Variants in IQCK observed in about 807,000 individuals in gnomAD.
The protein encoded by IQCK is IQ motif containing K.
Under a neutral mutation model 28.1 loss-of-function variants are expected in IQCK, and 29 were observed. The observed-to-expected ratio is 1.03, with a 90% CI of 0.77 to 1.41. The LOEUF (loss-of-function observed/expected upper bound fraction) is 1.41, where lower values mean the gene tolerates loss of function less well. Ranked by LOEUF, IQCK falls within the 40% of genes most tolerant of loss-of-function variation. The probability of loss-of-function intolerance (pLI) is 0.00; values close to 1 mark genes in which losing one functional copy is unlikely to be tolerated. For synonymous variants in IQCK, 113 were observed against 115.1 expected (o/e 0.98, Z 0.12); for missense variants, 359 against 314.7 (o/e 1.14, Z -1.07).
chr16:19,848,511 A>G (rs73536599), intron 9 of IQCK, among the ~76,000 whole-genome samples: 1,952 of 152,354 alleles, frequency 0.013, 30 homozygotes, highest in African/African-American at 0.045. Flanking sequence ...GAATTTTAAA[A>G]GATGCTAAAT....
chr16:19,728,670 C>T (rs914817281), intron 1 of IQCK, among the ~76,000 whole-genome samples: 2 of 152,202 alleles, frequency 1.3e-5, no homozygotes, highest in Non-Finnish European at 2.9e-5. Flanking sequence ...CCTGATAAAA[C>T]CCTGATCCAT....
At chr16:19,782,868 A>T (rs894660475) in intron 6 of IQCK, among the ~76,000 whole-genome samples, 2 of 152,222 alleles carry the variant, frequency 1.3e-5, no homozygotes, top group African/African-American at 4.8e-5. Context: ...TTCACTTTGC[A>T]TCTAAAAAAG....
At chr16:19,775,497 A>C (rs1229891398) in intron 6 of IQCK, among the ~76,000 whole-genome samples, 1 of 152,200 alleles carries the variant, frequency 6.6e-6, no homozygotes, top group Admixed American at 6.6e-5. Context: ...ATATTACCTA[A>C]TTTAACTTAC....
chr16:19,773,640 T>C (rs2055347088), intron 6 of IQCK, among the ~76,000 whole-genome samples: 2 of 152,188 alleles, frequency 1.3e-5, no homozygotes, highest in Non-Finnish European at 2.9e-5. Context: ...AGATGTACCA[T>C]ATATGAATGA....
chr16:19,729,255 C>T (rs1350147914), intron 1 of IQCK, among the ~76,000 whole-genome samples: 2 of 152,066 alleles, frequency 1.3e-5, no homozygotes, highest in African/African-American at 2.4e-5. Flanking sequence ...TTACAGGTGC[C>T]CGGCGCCATG....
chr16:19,761,936 T>C (rs947685218), intron 4 of IQCK: 1 of 153,758 alleles, frequency 6.5e-6, no homozygotes, highest in Non-Finnish European at 1.4e-5. Context: ...TATCCCCTGC[T>C]TCACCATCCT....
intron 9 of IQCK, among the ~76,000 whole-genome samples, chr16:19,842,586 T>TCATCCAG (rs1471035382): frequency 1.3e-5 from 2 of 152,216 alleles, no homozygotes; most frequent in African/African-American, 4.8e-5. Flanking sequence ...ATGTGAAATG[T>TCATCCAG]CATCCAGCAA....
rs10617965 is a variant in IQCK at position 19,727,597 on chromosome 16, C to CA, written c.182-2824dup. Among the ~76,000 whole-genome samples, 1,170 of 122,876 alleles carry CA rather than the reference C, an allele frequency of 9.5e-3. 20 individuals carry two copies. The highest frequency in any genetic ancestry group is 0.036 in the African/African-American group (1,127 of 31,324). The allele number at this position is 122,876 out of a possible 152,430, so 80.6% of individuals were successfully genotyped here. On this transcript the variant is annotated intron_variant, in intron 1 of 7. Coordinates refer to ENST00000564186, the Ensembl canonical transcript of IQCK. ...GCGAGACTTTGTCACCCCCCCCCCCCAAAAAAAAAGATTTGGTTGGATCTA... is the reference window on the plus strand; with the variant it reads ...GCGAGACTTTGTCACCCCCCCCCCCCAAAAAAAAAAGATTTGGTTGGATCTA...
rs145769807 is a variant in IQCK, at chr16:19,818,415, G to A, written c.691-8611G>A. The stretch of plus-strand genomic sequence containing the variant: ...ATATATACATTTTTCTTTTTGAGAC[G>A]GAGTTTCGCTCTTGTCATTCAGGCT... On this transcript the variant is annotated intron_variant, in intron 7 of 7. Transcript: ENST00000564186. Among the ~76,000 whole-genome samples the A allele has an allele frequency of 4.6e-5, 7 of 152,016 alleles. No individual in the cohort carries two copies. The East Asian group carries it at 9.7e-4, about 21-fold the overall frequency.
intron 4 of IQCK, among the ~76,000 whole-genome samples, chr16:19,737,880 A>G (rs1234010184): frequency 1.3e-5 from 2 of 151,942 alleles, no homozygotes; most frequent in East Asian, 1.9e-4. Context: ...TTCTCTGCAT[A>G]TTTAACTTCT....
At chr16:19,735,236 C>CT in intron 3 of IQCK, 117 bp from the exon 4 acceptor site, 1 of 715,454 alleles carries the variant, frequency 1.4e-6, no homozygotes, top group Non-Finnish European at 2.5e-6. Flanking sequence ...AATATAACAT[C>CT]TAAGATCATG....
At chr16:19,781,261 A>T (rs9931081) in intron 6 of IQCK, among the ~76,000 whole-genome samples, 2,780 of 152,252 alleles carry the variant, frequency 0.018, 68 homozygotes, top group African/African-American at 0.064. Flanking sequence ...TTGTTTTTTT[A>T]AAAAATGGTT....
At chr16:19,737,718 T>C (rs973885752) in intron 4 of IQCK, among the ~76,000 whole-genome samples, 1 of 152,042 alleles carries the variant, frequency 6.6e-6, no homozygotes, top group Non-Finnish European at 1.5e-5. Flanking sequence ...CTTCCTTCCT[T>C]TCTCCCTCCG....
At chr16:19,744,479 A>G (rs2054880126) in intron 4 of IQCK, among the ~76,000 whole-genome samples, 1 of 152,204 alleles carries the variant, frequency 6.6e-6, no homozygotes, top group Non-Finnish European at 1.5e-5. Context: ...AAAATTCAGC[A>G]TATTTAATAG....
chr16:19,773,972 CAT>C (rs1398316769), intron 6 of IQCK, among the ~76,000 whole-genome samples: 1 of 152,274 alleles, frequency 6.6e-6, no homozygotes, highest in Middle Eastern at 3.4e-3. Context: ...TCACTAGAAA[CAT>C]GTGGACCCAA....
chr16:19,771,303 G>A (rs897299070), intron 6 of IQCK, among the ~76,000 whole-genome samples: 2 of 152,104 alleles, frequency 1.3e-5, no homozygotes, highest in Non-Finnish European at 2.9e-5. Flanking sequence ...TGTTGCCCAG[G>A]TGGGTCTCAA....
At chr16:19,746,570 T>G (rs562508854) in intron 4 of IQCK, among the ~76,000 whole-genome samples, 4 of 152,328 alleles carry the variant, frequency 2.6e-5, no homozygotes, top group African/African-American at 4.8e-5. Flanking sequence ...CAAGAAAATC[T>G]TATTATAACT....
intron 9 of IQCK, among the ~76,000 whole-genome samples, chr16:19,833,382 A>G (rs560039469): frequency 2.6e-5 from 4 of 152,310 alleles, no homozygotes; most frequent in Middle Eastern, 3.4e-3. Context: ...ACATTATGCA[A>G]TGTGAATCAT....
downstream of IQCK, among the ~76,000 whole-genome samples, chr16:19,830,554 G>T (rs72769573): frequency 6.6e-6 from 1 of 152,118 alleles, no homozygotes; most frequent in African/African-American, 2.4e-5. Context: ...CCCATGGATA[G>T]GTTCCCATAT....
Sources: allele counts gnomAD v4.1 joint callset (sites outside exome capture counted in the v4.1 genomes callset), GRCh38; gene constraint gnomAD v4.1.1; transcripts MANE v1.5; gene names NCBI Gene and HGNC (gene_info 2026-07-23, HGNC 2026-07-21).